ATIC: variants seen among roughly 807,000 people sequenced by gnomAD.
ATIC encodes bifunctional purine biosynthesis protein ATIC.
ATIC carries 64 observed loss-of-function variants against 72.5 expected under a neutral mutation model. The observed-to-expected ratio is 0.88, with a 90% CI of 0.72 to 1.09. The LOEUF is 1.09. ATIC is among the 50% of genes least tolerant of loss of function. ATIC has a pLI of 0.00. For missense variants in ATIC, 787 were observed against 732.4 expected (o/e 1.07, Z -0.86); for synonymous variants, 281 against 267.1 (o/e 1.05, Z -0.51).
chr2:215,319,070 G>A lies in ATIC; in HGVS notation c.224-595G>A, dbSNP rs182816977. ...TAATTTTTGTATTTTTTATAGAGAC[G>A]GGGTCTCACCTTGTTGCCCAGGCTG... On this transcript the variant is annotated intron_variant, in intron 3 of 15. Coordinates refer to ENST00000236959, the MANE Select transcript of ATIC (RefSeq NM_004044.7). Among the ~76,000 whole-genome samples the A allele has an allele frequency of 1.3e-3, 193 of 151,486 alleles. 2 individuals carry two copies. Among genetic ancestry groups the A allele is most frequent in the African/African-American group, 4.2e-3 (174 of 41,398 alleles).
chr2:215,320,444 C>G (rs1377273649), intron 4 of ATIC, among the ~76,000 whole-genome samples: 1 of 152,168 alleles, frequency 6.6e-6, no homozygotes, highest in Non-Finnish European at 1.5e-5. Flanking sequence ...GCATCAACTT[C>G]TGGTGAGGGC....
chr2:215,346,829 A>C lies in ATIC; in HGVS notation c.1391A>C (p.Tyr464Ser). Residue 464 changes from tyrosine (Y) to serine (S), a missense_variant, in exon 14 of 16, where the codon TAT becomes TCT. Tyr to Ser is a moderately radical substitution (Grantham distance 144, BLOSUM62 -2). Coordinates refer to ENST00000236959, the MANE Select transcript of ATIC (RefSeq NM_004044.7). ...CGCCTTGCAGGAGATAAGGCAAACT[A>C]TTGGTGGCTTAGACACCATCCACAA... ...CTRLAGDKAN[Y>S]WWLRHHPQVL... 1 of 1,614,198 alleles carries C rather than the reference A, an allele frequency of 6.2e-7. No homozygotes were observed. The highest frequency in any genetic ancestry group is 8.5e-7 in the Non-Finnish European group (1 of 1,180,032).
intron 4 of ATIC, among the ~76,000 whole-genome samples, chr2:215,322,883 T>C (rs2052784196): frequency 6.6e-6 from 1 of 152,192 alleles, no homozygotes; most frequent in Non-Finnish European, 1.5e-5. Context: ...GTAACAAATT[T>C]TGAAATCAGC....
At chr2:215,355,178 A>T in the ATIC span, among the ~76,000 whole-genome samples, 2 of 151,404 alleles carry the variant, frequency 1.3e-5, no homozygotes, top group Admixed American at 1.3e-4. Context: ...CTTTATATGT[A>T]CTCAAGTTAA....
intron 3 of ATIC, among the ~76,000 whole-genome samples, 197 bp downstream of exon 3, chr2:215,318,430 C>T (rs2052733256): frequency 1.3e-5 from 2 of 152,168 alleles, no homozygotes; most frequent in African/African-American, 4.8e-5. Context: ...TTGATGAATT[C>T]AGATTGTTTT....
chr2:215,360,914 C>T, the ATIC span: 1 of 152,820 alleles, frequency 6.5e-6, no homozygotes, highest in East Asian at 1.9e-4. Context: ...AGTAGTAAAG[C>T]TTTGGCACAT....
chr2:215,332,068 C>T (rs1167553012), intron 7 of ATIC, among the ~76,000 whole-genome samples: 1 of 151,780 alleles, frequency 6.6e-6, no homozygotes, highest in East Asian at 1.9e-4. Flanking sequence ...GTCATAGTTT[C>T]TCCCATCCCT....
At chr2:215,328,269 T>G (rs995382104) in intron 7 of ATIC, among the ~76,000 whole-genome samples, 1 of 143,776 alleles carries the variant, frequency 7.0e-6, no homozygotes, top group Non-Finnish European at 1.5e-5. Context: ...TAATTTGTTT[T>G]CTCTCGGCCT....
intron 2 of ATIC, among the ~76,000 whole-genome samples, chr2:215,315,890 G>C (rs1472517112): frequency 2.0e-5 from 3 of 151,982 alleles, no homozygotes; most frequent in African/African-American, 7.3e-5. Context: ...AGGAGGTGGA[G>C]GTTGCAGTGA....
downstream of ATIC, among the ~76,000 whole-genome samples, chr2:215,353,299 A>G (rs2053144597): frequency 6.6e-6 from 1 of 151,972 alleles, no homozygotes. Context: ...TTCCCCCCTA[A>G]TAAGCTAAAA....
At chr2:215,344,340 G>C (rs1337824406) in intron 12 of ATIC, among the ~76,000 whole-genome samples, 1 of 152,140 alleles carries the variant, frequency 6.6e-6, no homozygotes, top group Non-Finnish European at 1.5e-5. Context: ...ATTTCCCTCT[G>C]TCATTTGAGT....
the ATIC span, among the ~76,000 whole-genome samples, chr2:215,355,174 A>G: frequency 4.6e-5 from 7 of 152,020 alleles, no homozygotes; most frequent in East Asian, 1.9e-4. Flanking sequence ...TTTCCTTTAT[A>G]TGTACTCAAG....
At chr2:215,352,836 T>G (rs878874450), downstream of ATIC, among the ~76,000 whole-genome samples, 1 of 149,614 alleles carries the variant, frequency 6.7e-6, no homozygotes, top group African/African-American at 2.5e-5. Flanking sequence ...TTAGATTTTT[T>G]TCTTGCAGTC....
chr2:215,339,562 G>A (rs537773529), intron 12 of ATIC, among the ~76,000 whole-genome samples: 1 of 152,338 alleles, frequency 6.6e-6, no homozygotes, highest in African/African-American at 2.4e-5. Context: ...CCATGTGGCA[G>A]TCAGTCCATG....
chr2:215,368,214 T>C, the ATIC span, among the ~76,000 whole-genome samples: 1 of 152,238 alleles, frequency 6.6e-6, no homozygotes, highest in African/African-American at 2.4e-5. Context: ...ATGTGACACC[T>C]GTCACAGGCA....
chr2:215,332,242 A>G, intron 7 of ATIC, 140 bp from the exon 8 acceptor site: 3 of 1,256,366 alleles, frequency 2.4e-6, no homozygotes, highest in Non-Finnish European at 3.4e-6. Flanking sequence ...TATCATCAAG[A>G]TTTTATGTTT....
At chr2:215,319,937 C>T (rs535344945) in intron 4 of ATIC, among the ~76,000 whole-genome samples, 1 of 152,088 alleles carries the variant, frequency 6.6e-6, no homozygotes, top group Non-Finnish European at 1.5e-5. Flanking sequence ...CAATCTAAAT[C>T]TTAGTATGTA....
rs770911199 is a variant in ATIC, at chr2:215,349,237, CAG to C, written c.1650_1651del (p.Arg550SerfsTer2). 1.2e-6 allele frequency: 2 copies of C among 1,614,098 alleles called. No individual in the cohort carries two copies. Among genetic ancestry groups the C allele is most frequent in the Non-Finnish European group, 1.7e-6 (2 of 1,180,020 alleles). On this transcript the variant is annotated frameshift_variant, in exon 15 of 16. Coordinates refer to ENST00000236959, the MANE Select transcript of ATIC (RefSeq NM_004044.7). LOFTEE classifies it high-confidence loss of function. Reference protein sequence around the residue: ...AFFPFRDNVDRAKRSGVAYIA... With the variant: ...AFFPFRDNVDXAKRSGVAYIA... ...TCTTCCCTTTCCGAGATAACGTAGA[CAG>C]AGCTAAAAGGGTAAGTATGGAATTG...
Position 215,339,998 on chromosome 2 carries a change from A to G in ATIC, c.1227+1091A>G, listed in dbSNP as rs114430305. On this transcript the variant is annotated intron_variant, in intron 12 of 15. Coordinates refer to ENST00000236959, the MANE Select transcript of ATIC (RefSeq NM_004044.7). Reference sequence around the variant, plus strand: ...TCCCTTTGAAGCTCGCTCTGTTTGAATGTTTTTATTCCTTTGAAGCTTGCT... The same window carrying G: ...TCCCTTTGAAGCTCGCTCTGTTTGAGTGTTTTTATTCCTTTGAAGCTTGCT... Among the ~76,000 whole-genome samples, 615 of 144,564 alleles carry G rather than the reference A, an allele frequency of 4.3e-3. 3 individuals carry two copies. Among genetic ancestry groups the G allele is most frequent in the African/African-American group, 0.015 (590 of 39,050 alleles). The allele number at this position is 144,564 out of a possible 152,430, so 94.8% of individuals were successfully genotyped here. A position where few individuals can be genotyped will look rare whatever the true frequency, so the allele number is the denominator to read the frequency against.
Sources: allele counts gnomAD v4.1 joint callset (sites outside exome capture counted in the v4.1 genomes callset), GRCh38; gene constraint gnomAD v4.1.1; transcripts MANE v1.5; gene names NCBI Gene and HGNC (gene_info 2026-07-23, HGNC 2026-07-21).